The following TET2 variants were observed in gnomAD, a reference collection of about 807,000 sequenced individuals.
TET2 encodes the protein tet methylcytosine dioxygenase 2.
Under a neutral mutation model 142.9 loss-of-function variants are expected in TET2, and 299 were observed. The ratio of observed to expected loss-of-function variants is 2.09; its 90% CI spans 1.90 to 2.30. TET2 has a LOEUF of 2.30. Among genes scored for constraint, TET2 ranks in the 30% most tolerant of loss-of-function variants. The pLI is 0.00. For missense variants in TET2, 2,418 were observed against 2,378.0 expected, an observed-to-expected ratio of 1.02 and a Z score of -0.35; for synonymous variants, 819 against 849.0, an observed-to-expected ratio of 0.96 and a Z score of 0.61.
At chr4:105,167,538 C>A (rs541394970) in intron 1 of TET2, among the ~76,000 whole-genome samples, 11 of 152,012 alleles carry the variant, frequency 7.2e-5, no homozygotes, top group Non-Finnish European at 1.5e-4. Context: ...TTTCACTGTA[C>A]TTTATTTGCT....
At chr4:105,267,833 AAAT>A (rs1578729306) in intron 8 of TET2, among the ~76,000 whole-genome samples, 1 of 152,070 alleles carries the variant, frequency 6.6e-6, no homozygotes, top group South Asian at 2.1e-4. Flanking sequence ...TTAACATAAA[AAAT>A]GATGTTGAAA....
intron 2 of TET2, among the ~76,000 whole-genome samples, chr4:105,216,704 T>C (rs931452049): frequency 6.6e-5 from 10 of 152,086 alleles, no homozygotes; most frequent in African/African-American, 9.6e-5. Context: ...GTTTTTGTTC[T>C]ATGAAAAATG....
chr4:105,155,923 A>G (rs1723543868), intron 1 of TET2, among the ~76,000 whole-genome samples: 1 of 152,198 alleles, frequency 6.6e-6, no homozygotes, highest in South Asian at 2.1e-4. Context: ...ATAGATGCTC[A>G]TGTTAGACCC....
At chr4:105,191,510 CTTTT>C (rs199682090) in intron 2 of TET2, among the ~76,000 whole-genome samples, 2 of 151,354 alleles carry the variant, frequency 1.3e-5, no homozygotes, top group Non-Finnish European at 3.0e-5. Flanking sequence ...AAGAATTAGG[CTTTT>C]TTTTTGTCTA....
chr4:105,276,680 A>G lies in TET2; in HGVS notation c.*161A>G, dbSNP rs1005839383. The G allele has an allele frequency of 6.4e-6, 5 of 776,296 alleles. No individual in the cohort carries two copies. The highest frequency in any genetic ancestry group is 1.7e-5 in the African/African-American group (1 of 57,156). 48.1% of individuals were successfully genotyped at this position (776,296 alleles called of 1,614,324 possible). A position where few individuals can be genotyped will look rare whatever the true frequency, so the allele number is the denominator to read the frequency against. ...CAGCAACAAAAGAGGTTATCTTACC[A>G]TAGCACTTAATTTTCACTGGCTCCC... On this transcript the variant is annotated 3_prime_UTR_variant, in exon 11 of 11. Coordinates refer to ENST00000380013, the MANE Select transcript of TET2 (RefSeq NM_001127208.3).
chr4:105,174,607 C>T (rs968318913), intron 1 of TET2, among the ~76,000 whole-genome samples: 10 of 152,208 alleles, frequency 6.6e-5, no homozygotes, highest in African/African-American at 2.4e-4. Context: ...GGTAGGAAAA[C>T]ATGAACTGTA....
At chr4:105,196,901 CAT>C (rs1726127526) in intron 2 of TET2, among the ~76,000 whole-genome samples, 1 of 152,154 alleles carries the variant, frequency 6.6e-6, no homozygotes, top group Admixed American at 6.6e-5. Context: ...TGATCTTTTT[CAT>C]ATGTTTTATT....
chr4:105,206,311 C>T (rs778350501), intron 2 of TET2, among the ~76,000 whole-genome samples: 20 of 152,370 alleles, frequency 1.3e-4, no homozygotes, highest in African/African-American at 2.9e-4. Context: ...AAGCCTCCTT[C>T]GCCTTTAGTC....
Position 105,237,139 on chromosome 4 carries a change from C to CT in TET2, c.3198dup (p.Arg1067Ter), listed in dbSNP as rs1578679960. The CT allele has an allele frequency of 6.2e-7, 1 of 1,614,140 alleles. No homozygotes were observed. Among genetic ancestry groups the CT allele is most frequent in the Non-Finnish European group, 8.5e-7 (1 of 1,180,028 alleles). The stretch of plus-strand genomic sequence containing the variant: ...ATGTCAGGGCCAGTCACAGTTTTGA[C>CT]TAGACAAACCACTGCTGCAGAACTT... On this transcript the variant is annotated frameshift_variant, in exon 3 of 11. Coordinates refer to ENST00000380013, the MANE Select transcript of TET2 (RefSeq NM_001127208.3). LOFTEE classifies it high-confidence loss of function.
In TET2 at chr4:105,235,500, G is replaced by A. The variant is rs2110227930; in HGVS notation, c.1558G>A (p.Gly520Ser). 5 of 1,614,080 alleles carry A rather than the reference G, an allele frequency of 3.1e-6. No individual in the cohort carries two copies. The highest frequency in any genetic ancestry group is 4.2e-6 in the Non-Finnish European group (5 of 1,180,008). The part of the protein sequence containing the change: ...EHLKHNPPIF[G>S]SSGELQDNCQ... ...CCTCAAGCATAACCCACCAATTTTT[G>A]GTAGCAGTGGAGAGCTACAGGACAA... The change falls in exon 3 of 11, where the codon GGT becomes AGT. Residue 520 changes from glycine to serine, a missense_variant. By Grantham distance (56) the Gly-to-Ser change is moderately conservative. Coordinates refer to ENST00000380013, the MANE Select transcript of TET2 (RefSeq NM_001127208.3).
intron 3 of TET2, 114 bp from the exon 4 acceptor site, chr4:105,241,225 T>A: frequency 7.4e-7 from 1 of 1,346,294 alleles, no homozygotes. Flanking sequence ...AAAAAAAATT[T>A]TAAAGTCACT....
At chr4:105,261,956 T>C in intron 8 of TET2, 108 bp downstream of exon 8, 1 of 702,286 alleles carries the variant, frequency 1.4e-6, no homozygotes, top group Non-Finnish European at 2.4e-6. Flanking sequence ...ATTCTAACTT[T>C]TCCTCTTAAT....
At chr4:105,211,167 C>A (rs918095597) in intron 2 of TET2, among the ~76,000 whole-genome samples, 5 of 152,132 alleles carry the variant, frequency 3.3e-5, no homozygotes, top group African/African-American at 1.2e-4. Context: ...TCTTCCAGGT[C>A]ATTCTATCAT....
chr4:105,166,861 A>G (rs1161526787), intron 1 of TET2, among the ~76,000 whole-genome samples: 4 of 151,926 alleles, frequency 2.6e-5, no homozygotes, highest in East Asian at 3.9e-4. Flanking sequence ...TTCCCTATTC[A>G]TATGTTTATT....
intron 1 of TET2, among the ~76,000 whole-genome samples, chr4:105,168,464 T>C (rs1034156508): frequency 2.0e-5 from 3 of 152,128 alleles, no homozygotes; most frequent in Non-Finnish European, 4.4e-5. Flanking sequence ...AGGTATTGTT[T>C]CTATCTTTCC....
In TET2 at chr4:105,275,671, T is replaced by C. The variant is rs765056976; in HGVS notation, c.5161T>C (p.Leu1721=). Residue 1721 remains leucine, a synonymous_variant, in exon 11 of 11, where the codon TTG becomes CTG. Transcript: ENST00000380013. ...ACCAAATGTACATCATGTAGGGAAA[T>C]TGCCTCCTTATCCCACTCATGAGAT... The part of the protein sequence containing the change: ...IRPNVHHVGK[L]PPYPTHEMDG... 3.1e-5 allele frequency: 48 copies of C among 1,551,704 alleles called. No homozygotes were observed. The East Asian group carries it at 3.9e-4, about 13-fold the overall frequency.
At chr4:105,205,230 T>C (rs1236926895) in intron 2 of TET2, among the ~76,000 whole-genome samples, 1 of 152,194 alleles carries the variant, frequency 6.6e-6, no homozygotes, top group Non-Finnish European at 1.5e-5. Flanking sequence ...CTAGCTTTAT[T>C]ATTTGCAGTA....
Position 105,277,651 on chromosome 4 carries a change from G to C in TET2, c.*1132G>C, listed in dbSNP as rs966326373. ...TTACTGGATTCAAGGGAATACGTTA[G>C]TCCACAAAACATGTTTTCTGGTGCT... On this transcript the variant is annotated 3_prime_UTR_variant, in exon 11 of 11. Coordinates refer to ENST00000380013, the MANE Select transcript of TET2 (RefSeq NM_001127208.3). The C allele has an allele frequency of 4.4e-6, 1 of 229,506 alleles. No homozygotes were observed. Among genetic ancestry groups the C allele is most frequent in the African/African-American group, 2.2e-5 (1 of 45,162 alleles). The allele number at this position is 229,506 out of a possible 1,614,324, so 14.2% of individuals were successfully genotyped here.
chr4:105,159,865 G>A (rs958558580), intron 1 of TET2, among the ~76,000 whole-genome samples: 3 of 152,044 alleles, frequency 2.0e-5, no homozygotes, highest in African/African-American at 4.8e-5. Context: ...TTAGCTGGGC[G>A]TGGTGGCGGG....
Sources: gnomAD v4.1 joint callset for allele counts (sites outside exome capture counted in the v4.1 genomes callset) on GRCh38, gnomAD v4.1.1 for gene constraint, MANE v1.5 for transcripts, NCBI Gene and HGNC (gene_info 2026-07-23, HGNC 2026-07-21) for gene names.